The following RERE variants were observed in gnomAD, a reference collection of about 807,000 sequenced individuals.
RERE encodes the protein arginine-glutamic acid dipeptide repeats.
In RERE, 40 loss-of-function variants were observed where a neutral mutation model predicts 146.1. The ratio of observed to expected loss-of-function variants is 0.27; its 90% CI spans 0.21 to 0.36. RERE has a LOEUF of 0.36. Ranked by LOEUF, RERE falls within the 10% of genes least tolerant of loss-of-function variation. The probability of loss-of-function intolerance (pLI) is 1.00; values close to 1 mark genes in which losing one functional copy is unlikely to be tolerated. For synonymous variants in RERE, 1,003 were observed against 866.0 expected (o/e 1.16, Z -2.78); for missense variants, 1,933 against 2,138.7 (o/e 0.90, Z 1.90).
chr1:8,687,972 C>T (rs1283908985), intron 1 of RERE, among the ~76,000 whole-genome samples: 1 of 152,098 alleles, frequency 6.6e-6, no homozygotes. Flanking sequence ...CCAAGAACTG[C>T]CATATAAAAA....
At chr1:8,769,934 G>A (rs866288092) in intron 1 of RERE, among the ~76,000 whole-genome samples, 7 of 151,970 alleles carry the variant, frequency 4.6e-5, no homozygotes, top group Non-Finnish European at 8.8e-5. Context: ...GATTCCGGGC[G>A]CACACCACTG....
intron 2 of RERE, among the ~76,000 whole-genome samples, chr1:8,652,476 G>A (rs1647677949): frequency 6.6e-6 from 1 of 152,186 alleles, no homozygotes; most frequent in Non-Finnish European, 1.5e-5. Flanking sequence ...AGGTGTATTA[G>A]TCCATTCTCA....
At chr1:8,579,480 A>G (rs1646337276) in intron 4 of RERE, among the ~76,000 whole-genome samples, 1 of 152,264 alleles carries the variant, frequency 6.6e-6, no homozygotes, top group Non-Finnish European at 1.5e-5. Flanking sequence ...AGAGTTCTAA[A>G]TGGCAGTAAA....
chr1:8,369,293 T>TC (rs1017255499), intron 12 of RERE, among the ~76,000 whole-genome samples: 1 of 151,908 alleles, frequency 6.6e-6, no homozygotes, highest in African/African-American at 2.4e-5. Flanking sequence ...AGGCTTAACT[T>TC]TCAAACCTTT....
intron 1 of RERE, chr1:8,750,912 T>C: frequency 1.2e-6 from 1 of 830,590 alleles, no homozygotes; most frequent in Non-Finnish European, 2.1e-6. Flanking sequence ...TATGGCAAAA[T>C]CAATAAGCAA....
At chr1:8,614,449 C>T (rs1646827640) in intron 4 of RERE, 112 bp downstream of exon 4, 3 of 1,154,162 alleles carry the variant, frequency 2.6e-6, no homozygotes, top group Admixed American at 4.7e-5. Flanking sequence ...TTTAAAAACA[C>T]ATATAATACA....
chr1:8,404,993 T>C (rs1054765597), intron 12 of RERE, among the ~76,000 whole-genome samples: 1 of 152,144 alleles, frequency 6.6e-6, no homozygotes, highest in African/African-American at 2.4e-5. Context: ...CAACTGACTA[T>C]ATGTCGGTTT....
intron 10 of RERE, among the ~76,000 whole-genome samples, chr1:8,467,916 T>A (rs970243618): frequency 1.3e-5 from 2 of 152,226 alleles, no homozygotes; most frequent in African/African-American, 4.8e-5. Flanking sequence ...AGTATTGGGA[T>A]AACAGGCATG....
At chr1:8,777,308 A>C (rs1357504680) in intron 1 of RERE, among the ~76,000 whole-genome samples, 1 of 152,000 alleles carries the variant, frequency 6.6e-6, no homozygotes, top group Admixed American at 6.6e-5. Flanking sequence ...AGTGTCATCA[A>C]ATATTTTTCT....
At chr1:8,582,113 C>T (rs1191335283) in intron 4 of RERE, among the ~76,000 whole-genome samples, 2 of 151,970 alleles carry the variant, frequency 1.3e-5, no homozygotes, top group African/African-American at 4.8e-5. Context: ...AAAATAACAC[C>T]GTTTCCTCAA....
intron 4 of RERE, among the ~76,000 whole-genome samples, chr1:8,574,490 G>A (rs1363514510): frequency 6.6e-6 from 1 of 151,320 alleles, no homozygotes; most frequent in Admixed American, 6.6e-5. Context: ...GACTACAGGC[G>A]CCCGCCACCA....
At chr1:8,758,434 CA>C (rs1435797991) in intron 1 of RERE, among the ~76,000 whole-genome samples, 2 of 150,446 alleles carry the variant, frequency 1.3e-5, no homozygotes, top group East Asian at 3.9e-4. Flanking sequence ...CTCTGTTGCC[CA>C]AGCTGGAGTG....
chr1:8,638,029 G>A (rs914649294), intron 2 of RERE, among the ~76,000 whole-genome samples: 6 of 152,192 alleles, frequency 3.9e-5, no homozygotes, highest in East Asian at 1.9e-4. Flanking sequence ...AGCCATTAGC[G>A]TGTGAGCATG....
intron 12 of RERE, among the ~76,000 whole-genome samples, chr1:8,406,762 C>T (rs1476001601): frequency 2.6e-5 from 4 of 151,808 alleles, no homozygotes; most frequent in African/African-American, 7.3e-5. Flanking sequence ...AATTAGAACA[C>T]GTTGAGAATT....
intron 12 of RERE, among the ~76,000 whole-genome samples, chr1:8,402,175 G>A (rs187951866): frequency 1.5e-4 from 23 of 152,276 alleles, no homozygotes; most frequent in African/African-American, 5.3e-4. Context: ...CCAACGCTGT[G>A]TAACTTCTAA....
At chr1:8,706,185 G>C (rs1353522166) in intron 1 of RERE, among the ~76,000 whole-genome samples, 2 of 151,334 alleles carry the variant, frequency 1.3e-5, no homozygotes, top group Non-Finnish European at 2.9e-5. Context: ...CAAGAGTGGT[G>C]GTTCACGCCT....
At chr1:8,747,997 C>T (rs1467067400) in intron 1 of RERE, among the ~76,000 whole-genome samples, 5 of 152,168 alleles carry the variant, frequency 3.3e-5, no homozygotes, top group Middle Eastern at 6.8e-3. Context: ...AGCCTGGTCT[C>T]GAACTCCTGA....
At chr1:8,468,549 TAAC>T (rs1038846746) in intron 10 of RERE, among the ~76,000 whole-genome samples, 4 of 152,172 alleles carry the variant, frequency 2.6e-5, no homozygotes, top group African/African-American at 4.8e-5. Context: ...ATGGCAAAAT[TAAC>T]AACTTTTATA....
chr1:8,701,059 G>C (rs905418625), intron 1 of RERE, among the ~76,000 whole-genome samples: 1 of 152,300 alleles, frequency 6.6e-6, no homozygotes, highest in African/African-American at 2.4e-5. Flanking sequence ...AAAACCTTCA[G>C]TGTAAGATAA....
Sources: allele counts gnomAD v4.1 joint callset (sites outside exome capture counted in the v4.1 genomes callset), GRCh38; gene constraint gnomAD v4.1.1; transcripts MANE v1.5; gene names NCBI Gene and HGNC (gene_info 2026-07-23, HGNC 2026-07-21).